The following PIGN variants were observed in gnomAD, a reference collection of about 807,000 sequenced individuals.
The protein encoded by PIGN is phosphatidylinositol glycan anchor biosynthesis class N, also known as GPI ethanolamine phosphate transferase 1.
PIGN carries 117 observed loss-of-function variants against 125.4 expected under a neutral mutation model. The observed-to-expected ratio is 0.93, with a 90% CI of 0.80 to 1.09. The LOEUF (loss-of-function observed/expected upper bound fraction) is 1.09, where lower values mean the gene tolerates loss of function less well. Ranked by LOEUF, PIGN falls within the 50% of genes least tolerant of loss-of-function variation. The probability of loss-of-function intolerance (pLI) is 0.00; values close to 1 mark genes in which losing one functional copy is unlikely to be tolerated. For synonymous variants in PIGN, 392 were observed against 377.8 expected, an observed-to-expected ratio of 1.04 and a Z score of -0.44; for missense variants, 1,075 against 1,094.9, an observed-to-expected ratio of 0.98 and a Z score of 0.26.
At chr18:62,140,362 T>G in intron 12 of PIGN, 58 bp downstream of exon 12, 1 of 762,372 alleles carries the variant, frequency 1.3e-6, no homozygotes, top group Non-Finnish European at 2.1e-6. Flanking sequence ...AGAGTACATT[T>G]TACTGTGCGA....
Position 62,143,343 on chromosome 18 carries a change from C to T in PIGN, c.926G>A (p.Trp309Ter). 6.6e-7 allele frequency: 1 copy of T among 1,521,596 alleles called. No homozygotes were observed. Among genetic ancestry groups the T allele is most frequent in the Non-Finnish European group, 9.0e-7 (1 of 1,107,852 alleles). The allele number at this position is 1,521,596 out of a possible 1,614,324, so 94.3% of individuals were successfully genotyped here. ...QQFDDAFLKE[W>*]RLENWKRLDV... The stretch of plus-strand genomic sequence containing the variant: ...TAGCCTCTTCCAATTCTCCAATCTC[C>T]ACTCTGAAAGATACAATCAGACACA... Residue 309 changes from tryptophan (W) to a stop codon, truncating the protein, a stop_gained, in exon 11 of 31, where the codon TGG (tryptophan) becomes TAG (stop). Coordinates refer to ENST00000640252, the MANE Select transcript of PIGN (RefSeq NM_176787.5). LOFTEE classifies it high-confidence loss of function.
At chr18:62,135,945 C>T (rs977195885) in intron 14 of PIGN, 1 of 152,126 alleles carries the variant, frequency 6.6e-6, no homozygotes, top group African/African-American at 2.4e-5. Flanking sequence ...TAATGTATTC[C>T]TTATTCACTT....
At chr18:62,133,552 A>C (rs2035816491) in intron 14 of PIGN, among the ~76,000 whole-genome samples, 1 of 152,206 alleles carries the variant, frequency 6.6e-6, no homozygotes, top group African/African-American at 2.4e-5. Flanking sequence ...CATATTCAGT[A>C]AGTAATTTGG....
intron 30 of PIGN, among the ~76,000 whole-genome samples, chr18:62,067,835 CT>C (rs1456061176): frequency 6.6e-6 from 1 of 152,174 alleles, no homozygotes; most frequent in Non-Finnish European, 1.5e-5. Flanking sequence ...TCTTGGGTAC[CT>C]AGGCATGGAA....
At chr18:62,115,483 G>A (rs1293698885) in intron 14 of PIGN, among the ~76,000 whole-genome samples, 1 of 152,084 alleles carries the variant, frequency 6.6e-6, no homozygotes, top group East Asian at 1.9e-4. Flanking sequence ...GGCTATATTA[G>A]GTTGGATCAC....
intron 23 of PIGN, among the ~76,000 whole-genome samples, chr18:62,021,290 G>T (rs2030052275): frequency 2.6e-5 from 4 of 152,178 alleles, no homozygotes; most frequent in Admixed American, 2.6e-4. Context: ...AAATTGTTGT[G>T]TATGTCAAGC....
chr18:62,038,205 A>G (rs1034762278), downstream of PIGN, among the ~76,000 whole-genome samples: 1 of 152,178 alleles, frequency 6.6e-6, no homozygotes, highest in East Asian at 1.9e-4. Context: ...AACTTAGCAG[A>G]AGATAAAAAC....
chr18:62,029,159 A>AGGAAG, intron 23 of PIGN, among the ~76,000 whole-genome samples: 1 of 152,222 alleles, frequency 6.6e-6, no homozygotes, highest in South Asian at 2.1e-4. Flanking sequence ...AAAGAGTGGG[A>AGGAAG]GGAAGATGCT....
chr18:62,083,857 A>ATTAATCTTAAT (rs2033565165), intron 27 of PIGN, among the ~76,000 whole-genome samples: 1 of 152,210 alleles, frequency 6.6e-6, no homozygotes, highest in Non-Finnish European at 1.5e-5. Context: ...TATTAAGATG[A>ATTAATCTTAAT]CACCTTTAAC....
In PIGN at chr18:62,149,091, A is replaced by C. The variant is rs1319649045; in HGVS notation, c.550-753T>G. ...TAAGTTAACAGGCTATCCAAGATAC[A>C]TCTTTGTTGTTCACATAAATGCCTT... On this transcript the variant is annotated intron_variant, in intron 7 of 30. Coordinates refer to ENST00000640252, the MANE Select transcript of PIGN (RefSeq NM_176787.5). Among the ~76,000 whole-genome samples, 4 of 152,202 alleles carry C rather than the reference A, an allele frequency of 2.6e-5. No individual in the cohort carries two copies. The East Asian group carries it at 7.7e-4, about 29-fold the overall frequency.
chr18:62,064,760 TCA>T (rs1182719641), intron 30 of PIGN, among the ~76,000 whole-genome samples: 1 of 152,076 alleles, frequency 6.6e-6, no homozygotes, highest in African/African-American at 2.4e-5. Context: ...CTTTTCCCAA[TCA>T]CTGTTTAACT....
intron 23 of PIGN, among the ~76,000 whole-genome samples, chr18:62,019,977 C>T (rs909348622): frequency 6.6e-6 from 1 of 152,202 alleles, no homozygotes; most frequent in Non-Finnish European, 1.5e-5. Context: ...ATTATGGAGA[C>T]AGTCAGAATG....
At chr18:62,186,586 G>T (rs1364943501) in intron 1 of PIGN, among the ~76,000 whole-genome samples, 1 of 152,110 alleles carries the variant, frequency 6.6e-6, no homozygotes, top group Admixed American at 6.5e-5. Flanking sequence ...CCACCCACAG[G>T]CAGGACCACC....
At chr18:62,084,419 T>C (rs1259431013) in intron 27 of PIGN, 112 bp downstream of exon 27, 2 of 657,102 alleles carry the variant, frequency 3.0e-6, no homozygotes, top group South Asian at 2.1e-5. Flanking sequence ...AGTTTAGCAG[T>C]GCCAACTCTG....
intron 23 of PIGN, among the ~76,000 whole-genome samples, chr18:62,022,435 TA>T (rs1484098531): frequency 6.6e-6 from 1 of 152,186 alleles, no homozygotes; most frequent in Non-Finnish European, 1.5e-5. Flanking sequence ...CACCTATAAT[TA>T]AAGAAACTGG....
chr18:62,108,543 G>A (rs1459021512), intron 17 of PIGN, among the ~76,000 whole-genome samples: 1 of 151,816 alleles, frequency 6.6e-6, no homozygotes, highest in Non-Finnish European at 1.5e-5. Context: ...TTGCCTTATA[G>A]TTAATATTTT....
intron 21 of PIGN, among the ~76,000 whole-genome samples, chr18:62,102,561 C>T (rs1021777890): frequency 6.6e-6 from 1 of 151,824 alleles, no homozygotes; most frequent in Admixed American, 6.6e-5. Context: ...ATACAGTTTC[C>T]ATAACCTCTG....
At chr18:62,085,954 A>C (rs1353258072) in intron 25 of PIGN, among the ~76,000 whole-genome samples, 1 of 152,234 alleles carries the variant, frequency 6.6e-6, no homozygotes, top group African/African-American at 2.4e-5. Flanking sequence ...GCAACGCCGA[A>C]GAGGAAGTAC....
chr18:62,177,259 T>C (rs1202192177), intron 1 of PIGN, among the ~76,000 whole-genome samples: 1 of 152,220 alleles, frequency 6.6e-6, no homozygotes, highest in African/African-American at 2.4e-5. Context: ...TTCAGGTTCA[T>C]TGACTCTTTC....
Sources: allele counts gnomAD v4.1 joint callset (sites outside exome capture counted in the v4.1 genomes callset), GRCh38; gene constraint gnomAD v4.1.1; transcripts MANE v1.5; gene names NCBI Gene and HGNC (gene_info 2026-07-23, HGNC 2026-07-21).